Variants in ADAM10 observed in about 807,000 individuals in gnomAD.
ADAM10 encodes disintegrin and metalloproteinase domain-containing protein 10.
Under a neutral mutation model 90.1 loss-of-function variants are expected in ADAM10, and 17 were observed. The observed-to-expected ratio is 0.19, with a 90% confidence interval of 0.13 to 0.28. The LOEUF is 0.28. ADAM10 is among the 10% of genes least tolerant of loss of function. ADAM10 has a pLI of 1.00. For synonymous variants in ADAM10, 310 were observed against 298.6 expected (o/e 1.04, Z -0.40); for missense variants, 610 against 914.3 (o/e 0.67, Z 4.29).
At chr15:58,604,964 T>C (rs1168198883) in intron 14 of ADAM10, among the ~76,000 whole-genome samples, 2 of 152,170 alleles carry the variant, frequency 1.3e-5, no homozygotes, top group Non-Finnish European at 2.9e-5. Flanking sequence ...GGTCTTCAAC[T>C]GCTAGTCTCC....
At chr15:58,649,824 A>C (rs1389058018) in intron 5 of ADAM10, among the ~76,000 whole-genome samples, 1 of 152,140 alleles carries the variant, frequency 6.6e-6, no homozygotes, top group African/African-American at 2.4e-5. Context: ...GTTGTTTGAT[A>C]TCTCTCTGTT....
intron 2 of ADAM10, among the ~76,000 whole-genome samples, chr15:58,706,076 T>C (rs1202420954): frequency 6.6e-6 from 1 of 152,206 alleles, no homozygotes; most frequent in Admixed American, 6.5e-5. Context: ...TAAAAAGAAG[T>C]TGCCTTTTCC....
At chr15:58,703,622 T>C (rs1259530276) in intron 2 of ADAM10, among the ~76,000 whole-genome samples, 4 of 152,208 alleles carry the variant, frequency 2.6e-5, no homozygotes, top group Admixed American at 6.5e-5. Context: ...TCAGACATTA[T>C]GGTGAGTGAC....
intron 5 of ADAM10, among the ~76,000 whole-genome samples, chr15:58,652,165 G>C (rs531962756): frequency 6.6e-6 from 1 of 152,252 alleles, no homozygotes; most frequent in East Asian, 1.9e-4. Context: ...CAGACAAGTA[G>C]TGTGCAAATA....
Position 58,684,428 on chromosome 15 carries a change from A to G in ADAM10, c.207-2114T>C, listed in dbSNP as rs1209549752. On this transcript the variant is annotated intron_variant, in intron 2 of 15. Transcript: ENST00000260408. ...AGCTGGTCACCAGAAAGATCAAATA[A>G]TAAGAGCAATGGAATTTCAGCCCTA... 3.3e-5 allele frequency among the ~76,000 whole-genome samples: 5 copies of G among 152,350 alleles called. No homozygotes were observed. In the South Asian group the frequency reaches 6.2e-4, roughly 19 times the overall value.
At chr15:58,738,251 G>C (rs1235021023) in intron 1 of ADAM10, among the ~76,000 whole-genome samples, 2 of 152,152 alleles carry the variant, frequency 1.3e-5, no homozygotes, top group African/African-American at 4.8e-5. Context: ...ATCATACTGT[G>C]TTGACCAATG....
In ADAM10 at chr15:58,647,248, A is replaced by ATTTTTTTTTT. The variant is rs67378373; in HGVS notation, c.586-1054_586-1045dup. ...TGGCAGCAAAGAGTAGACACTAAGT[A>ATTTTTTTTTT]TTTTTTTTTTTTTTTTTTTTTTTTT... On this transcript the variant is annotated intron_variant, in intron 5 of 15. Coordinates refer to ENST00000260408, the MANE Select transcript of ADAM10 (RefSeq NM_001110.4). Among the ~76,000 whole-genome samples the ATTTTTTTTTT allele has an allele frequency of 4.0e-3, 241 of 59,582 alleles. 78 individuals carry two copies. Among genetic ancestry groups the ATTTTTTTTTT allele is most frequent in the Non-Finnish European group, 5.4e-3 (150 of 27,844 alleles). 39.1% of individuals were successfully genotyped at this position (59,582 alleles called of 152,430 possible).
chr15:58,723,048 T>C (rs1438221454), intron 1 of ADAM10, among the ~76,000 whole-genome samples: 1 of 152,032 alleles, frequency 6.6e-6, no homozygotes, highest in Non-Finnish European at 1.5e-5. Flanking sequence ...GAGGATTTTT[T>C]TTTTCTTTTT....
chr15:58,589,126 T>C lies in ADAM10; in HGVS notation c.*8421A>G, dbSNP rs1311333184. 2.0e-5 allele frequency: 3 copies of C among 152,172 alleles called. No individual in the cohort carries two copies. Among genetic ancestry groups the C allele is most frequent in the African/African-American group, 4.8e-5 (2 of 41,442 alleles). 9.4% of individuals were successfully genotyped at this position (152,172 alleles called of 1,614,324 possible). A position where few individuals can be genotyped will look rare whatever the true frequency, so the allele number is the denominator to read the frequency against. ...CTTGTGAAATCAGCTTCATTGCCTA[T>C]TTACAAAGCACACAACAAAACAAAT... On this transcript the variant is annotated 3_prime_UTR_variant, in exon 16 of 16. Transcript: ENST00000260408.
rs1555418398 is a variant in ADAM10 at position 58,689,952 on chromosome 15, C to CG, written c.207-7639_207-7638insC. On this transcript the variant is annotated intron_variant, in intron 2 of 15. Transcript: ENST00000260408. ...TCCAAAACCAAAGACAGACCCCCCC[C>CG]AAAAAAAAAAAAAAAAGACTGATAT... is the stretch of plus-strand genomic sequence containing the variant. 5.5e-5 allele frequency among the ~76,000 whole-genome samples: 6 copies of CG among 108,902 alleles called. 1 individual carries two copies. The highest frequency in any genetic ancestry group is 2.0e-4 in the African/African-American group (6 of 30,448). 71.4% of individuals were successfully genotyped at this position (108,902 alleles called of 152,430 possible).
chr15:58,730,119 A>G (rs1440437094), intron 1 of ADAM10, among the ~76,000 whole-genome samples: 1 of 152,214 alleles, frequency 6.6e-6, no homozygotes, highest in East Asian at 1.9e-4. Context: ...GGTTCCAAGT[A>G]TTTCAAATAA....
chr15:58,628,890 T>C (rs1391808591), intron 9 of ADAM10, among the ~76,000 whole-genome samples: 1 of 152,224 alleles, frequency 6.6e-6, no homozygotes, highest in African/African-American at 2.4e-5. Flanking sequence ...CTGAGGCAAC[T>C]GTTAAATTAA....
intron 2 of ADAM10, among the ~76,000 whole-genome samples, chr15:58,683,859 C>CAAAAAAAAAAA (rs71425819): frequency 1.0e-4 from 7 of 67,244 alleles, no homozygotes; most frequent in Admixed American, 1.4e-4. Context: ...GGCTCCATCT[C>CAAAAAAAAAAA]AAAAAAAAAA....
chr15:58,742,961 G>A (rs1214135869), intron 1 of ADAM10, among the ~76,000 whole-genome samples: 2 of 152,048 alleles, frequency 1.3e-5, no homozygotes, highest in African/African-American at 4.8e-5. Flanking sequence ...GAGAGGCTGA[G>A]GTTGGAGAAT....
At chr15:58,627,063 A>T (rs1483522019) in intron 10 of ADAM10, among the ~76,000 whole-genome samples, 1 of 152,182 alleles carries the variant, frequency 6.6e-6, no homozygotes, top group Non-Finnish European at 1.5e-5. Context: ...AGGAGAGTAG[A>T]TGTACAAACT....
chr15:58,602,438 T>C (rs1595982063), intron 14 of ADAM10, among the ~76,000 whole-genome samples: 1 of 152,198 alleles, frequency 6.6e-6, no homozygotes, highest in South Asian at 2.1e-4. Flanking sequence ...CTGGTAGTGT[T>C]CCCCATCCCA....
intron 1 of ADAM10, among the ~76,000 whole-genome samples, chr15:58,722,289 C>G (rs1203928497): frequency 6.6e-6 from 1 of 151,900 alleles, no homozygotes; most frequent in African/African-American, 2.4e-5. Flanking sequence ...GTGCAGTGAG[C>G]CAAGATCGCA....
chr15:58,627,585 T>A, intron 10 of ADAM10, 115 bp downstream of exon 10: 1 of 850,814 alleles, frequency 1.2e-6, no homozygotes, highest in East Asian at 2.6e-5. Context: ...TACAGCAAAG[T>A]GTTAGCAATA....
chr15:58,691,676 CTTTT>C (rs71116587), intron 2 of ADAM10: 4,170 of 227,460 alleles, frequency 0.018, 1 homozygote, highest in South Asian at 0.037. Context: ...ACTTCTTCTT[CTTTT>C]TTTTTTTTTT....
Sources: gnomAD v4.1 joint callset for allele counts (sites outside exome capture counted in the v4.1 genomes callset) on GRCh38, gnomAD v4.1.1 for gene constraint, MANE v1.5 for transcripts, NCBI Gene and HGNC (gene_info 2026-07-23, HGNC 2026-07-21) for gene names.